Variants in LRRIQ3 observed in about 807,000 individuals in gnomAD.
LRRIQ3 encodes leucine-rich repeat and IQ domain-containing protein 3.
LRRIQ3 carries 75 observed loss-of-function variants against 59.3 expected under a neutral mutation model. That is an observed-to-expected ratio of 1.26 (90% CI 1.05 to 1.53). The LOEUF is 1.53. Among genes scored for constraint, LRRIQ3 ranks in the 40% most tolerant of loss-of-function variants. LRRIQ3 has a pLI of 0.00. For synonymous variants in LRRIQ3, 250 were observed against 231.3 expected (o/e 1.08, Z -0.73); for missense variants, 831 against 710.0 (o/e 1.17, Z -1.94).
chr1:74,064,193 G>A (rs1366611678), intron 6 of LRRIQ3, among the ~76,000 whole-genome samples: 1 of 151,726 alleles, frequency 6.6e-6, no homozygotes, highest in Non-Finnish European at 1.5e-5. Flanking sequence ...GATGAAAAGT[G>A]GAGAGCAAGT....
intron 4 of LRRIQ3, among the ~76,000 whole-genome samples, chr1:74,134,485 A>G (rs2100619841): frequency 6.6e-6 from 1 of 152,076 alleles, no homozygotes; most frequent in Admixed American, 6.6e-5. Flanking sequence ...ATAAATACAT[A>G]CGTTAATTTC....
intron 5 of LRRIQ3, among the ~76,000 whole-genome samples, chr1:74,092,518 C>G (rs749451156): frequency 4.6e-5 from 7 of 151,920 alleles, no homozygotes; most frequent in Non-Finnish European, 1.0e-4. Context: ...GGCTTCAAAA[C>G]ATTTTCACTT....
intron 3 of LRRIQ3, among the ~76,000 whole-genome samples, chr1:74,165,867 C>A (rs772950637): frequency 6.6e-6 from 1 of 151,436 alleles, no homozygotes; most frequent in Non-Finnish European, 1.5e-5. Context: ...AGGTGGATTG[C>A]ATTTATTGGT....
intron 5 of LRRIQ3, among the ~76,000 whole-genome samples, chr1:74,104,548 A>G (rs1646582421): frequency 6.6e-6 from 1 of 152,046 alleles, no homozygotes; most frequent in South Asian, 2.1e-4. Flanking sequence ...AGACTTAAAC[A>G]CATATCACCA....
intron 3 of LRRIQ3, among the ~76,000 whole-genome samples, chr1:74,170,833 C>A (rs1649280329): frequency 6.6e-6 from 1 of 152,034 alleles, no homozygotes; most frequent in African/African-American, 2.4e-5. Flanking sequence ...TTATTTATGT[C>A]TACTTTAGTT....
intron 1 of LRRIQ3, among the ~76,000 whole-genome samples, chr1:74,184,985 C>G (rs1040743116): frequency 1.3e-5 from 2 of 152,106 alleles, no homozygotes; most frequent in African/African-American, 4.8e-5. Flanking sequence ...AAAAATAACT[C>G]ATTTTTTAAA....
chr1:74,181,963 C>T (rs1650005201), intron 3 of LRRIQ3: 2 of 151,636 alleles, frequency 1.3e-5, no homozygotes, highest in South Asian at 4.2e-4. Flanking sequence ...TAATTTAACC[C>T]CCTCTTTTGA....
At chr1:74,181,779 GT>G (rs938038044) in intron 3 of LRRIQ3, 2 of 151,606 alleles carry the variant, frequency 1.3e-5, no homozygotes, top group African/African-American at 4.8e-5. Flanking sequence ...GTAATTTTCA[GT>G]TTTTCCACGC....
intron 4 of LRRIQ3, among the ~76,000 whole-genome samples, chr1:74,125,187 G>A (rs1204005284): frequency 6.6e-6 from 1 of 151,684 alleles, no homozygotes; most frequent in Non-Finnish European, 1.5e-5. Flanking sequence ...AAATGCTACT[G>A]GTTTTTCTAT....
At chr1:74,159,513 C>T (rs1353058287) in intron 3 of LRRIQ3, among the ~76,000 whole-genome samples, 1 of 152,122 alleles carries the variant, frequency 6.6e-6, no homozygotes, top group East Asian at 1.9e-4. Flanking sequence ...GCTACAAAGA[C>T]ATCACACTCT....
intron 4 of LRRIQ3, among the ~76,000 whole-genome samples, chr1:74,139,078 A>G (rs1409299434): frequency 1.3e-5 from 2 of 150,018 alleles, no homozygotes; most frequent in Non-Finnish European, 3.0e-5. Flanking sequence ...ATATACACAT[A>G]TATGTATGTG....
intron 4 of LRRIQ3, among the ~76,000 whole-genome samples, chr1:74,111,422 G>C (rs1646692689): frequency 6.6e-6 from 1 of 151,966 alleles, no homozygotes; most frequent in South Asian, 2.1e-4. Flanking sequence ...GCAGAAGTAT[G>C]CTTCATGAGA....
rs1261466733 is a variant in LRRIQ3 at position 74,050,202 on chromosome 1, G to A, written c.998-8269C>T. 7.2e-5 allele frequency among the ~76,000 whole-genome samples: 11 copies of A among 152,192 alleles called. 1 individual carries two copies. In the South Asian group the frequency reaches 2.3e-3, roughly 32 times the overall value. ...CTCCCAAAGTGCTGGGACTACAGGA[G>A]TGAGCCACCACACCCACCTTGCATA... On this transcript the variant is annotated intron_variant, in intron 6 of 7. Transcript: ENST00000354431.
intron 4 of LRRIQ3, among the ~76,000 whole-genome samples, chr1:74,143,383 T>C (rs1011281187): frequency 1.3e-4 from 20 of 151,908 alleles, no homozygotes; most frequent in African/African-American, 4.3e-4. Context: ...AGGTAAATTT[T>C]GAAGATGCAA....
intron 3 of LRRIQ3, among the ~76,000 whole-genome samples, chr1:74,169,065 A>G (rs1649165497): frequency 6.6e-6 from 1 of 152,140 alleles, no homozygotes; most frequent in South Asian, 2.1e-4. Flanking sequence ...TAAACCTTGA[A>G]CAACACTTCC....
At chr1:74,121,240 G>T (rs1430954638) in intron 4 of LRRIQ3, among the ~76,000 whole-genome samples, 2 of 152,118 alleles carry the variant, frequency 1.3e-5, no homozygotes, top group South Asian at 2.1e-4. Context: ...AGTCCATTTT[G>T]ATGGTTTGTA....
chr1:74,167,644 T>G (rs1649072215), intron 3 of LRRIQ3, among the ~76,000 whole-genome samples: 1 of 151,782 alleles, frequency 6.6e-6, no homozygotes, highest in Non-Finnish European at 1.5e-5. Flanking sequence ...GATAAAAGAC[T>G]GCATACTGGA....
Position 74,145,766 on chromosome 1 carries a change from T to C in LRRIQ3, c.707+9967A>G, listed in dbSNP as rs183738629. Among the ~76,000 whole-genome samples the C allele has an allele frequency of 2.3e-3, 348 of 152,264 alleles. 1 individual carries two copies. The highest frequency in any genetic ancestry group is 3.9e-3 in the Non-Finnish European group (264 of 68,008). Reference sequence around the variant, plus strand: ...TAAATGTAGTATTTTCTCTTCTTTTTATCTAGTTTTAAAAATAAATCCTCA... The same window carrying C: ...TAAATGTAGTATTTTCTCTTCTTTTCATCTAGTTTTAAAAATAAATCCTCA... On this transcript the variant is annotated intron_variant, in intron 4 of 7. Transcript: ENST00000354431.
chr1:74,122,452 A>C (rs1392782265), intron 4 of LRRIQ3, among the ~76,000 whole-genome samples: 3 of 152,172 alleles, frequency 2.0e-5, no homozygotes, highest in African/African-American at 4.8e-5. Context: ...AATTTGTTGG[A>C]GTTCCATGGT....
Sources: gnomAD v4.1 joint callset for allele counts (sites outside exome capture counted in the v4.1 genomes callset) on GRCh38, gnomAD v4.1.1 for gene constraint, MANE v1.5 for transcripts, NCBI Gene and HGNC (gene_info 2026-07-23, HGNC 2026-07-21) for gene names.